SLC4A1: variants seen among roughly 807,000 people sequenced by gnomAD.
SLC4A1 encodes band 3 anion transport protein.
SLC4A1 carries 29 observed loss-of-function variants against 93.1 expected under a neutral mutation model. That is an observed-to-expected ratio of 0.31 (90% CI 0.23 to 0.42). SLC4A1 has a LOEUF of 0.42. Among genes scored for constraint, SLC4A1 ranks in the 20% least tolerant of loss-of-function variants. The pLI is 1.00. For synonymous variants in SLC4A1, 469 were observed against 497.2 expected, an observed-to-expected ratio of 0.94 and a Z score of 0.76; for missense variants, 965 against 1,190.1, an observed-to-expected ratio of 0.81 and a Z score of 2.78.
chr17:44,249,483 C>T lies in SLC4A1; in HGVS notation c.*975G>A, dbSNP rs2047320677. The T allele has an allele frequency of 1.2e-5, 3 of 248,056 alleles. No individual in the cohort carries two copies. Among genetic ancestry groups the T allele is most frequent in the Non-Finnish European group, 2.4e-5 (3 of 126,130 alleles). The allele number at this position is 248,056 out of a possible 1,614,324, so 15.4% of individuals were successfully genotyped here. ...CCGCCCCTACCTTCCCACCCTCCCC[C>T]ACTCCCTATCCAAATGTAGAATCAA... On this transcript the variant is annotated 3_prime_UTR_variant, in exon 20 of 20. Coordinates refer to ENST00000262418, the MANE Select transcript of SLC4A1 (RefSeq NM_000342.4).
rs5021 is a variant in SLC4A1 at position 44,254,600 on chromosome 17, G to A, written c.1953C>T (p.His651=). The change falls in exon 16 of 20, where the codon CAC becomes CAT. Residue 651 remains histidine, a synonymous_variant. Transcript: ENST00000262418. ...SNSSARGWVI[H]PLGLRSEFPI... ...GAAACTCGGAACGCAAGCCCAGTGG[G>A]TGGATGACCCAGCCCCGGGCTGAGG... 9.1e-4 allele frequency: 1,462 copies of A among 1,614,192 alleles called. 16 individuals are homozygous for A. In the African/African-American group the frequency reaches 0.017, roughly 19 times the overall value.
chr17:44,259,071 C>G, intron 9 of SLC4A1, 92 bp downstream of exon 9: 1 of 1,366,702 alleles, frequency 7.3e-7, no homozygotes, highest in East Asian at 2.4e-5. Context: ...ACCAGTGAAC[C>G]TAAAGTAACC....
chr17:44,263,551 T>C (rs1212517228), intron 1 of SLC4A1, among the ~76,000 whole-genome samples: 3 of 152,168 alleles, frequency 2.0e-5, no homozygotes, highest in Non-Finnish European at 2.9e-5. Context: ...CCTTTGCACA[T>C]CCAGCTGTCC....
At chr17:44,253,905 C>T (rs534917368) in intron 16 of SLC4A1, among the ~76,000 whole-genome samples, 33 of 150,398 alleles carry the variant, frequency 2.2e-4, no homozygotes, top group Admixed American at 1.7e-3. Context: ...CTACTGACCT[C>T]GTGATCCCCC....
Position 44,260,718 on chromosome 17 carries a change from C to A in SLC4A1, c.266G>T (p.Gly89Val). Residue 89 changes from glycine to valine, a missense_variant, in exon 5 of 20, where the codon GGG (glycine) becomes GTG (valine). Physicochemically the swap from Gly to Val is moderately radical, Grantham distance 109. Around this residue, in one of 2 missense-constraint regions of SLC4A1, gnomAD observed 195 missense variants for 183.5 expected, o/e 1.06. Coordinates refer to ENST00000262418, the MANE Select transcript of SLC4A1 (RefSeq NM_000342.4). ...CGGGCGGCCCCAGGCCCCATTCTCC[C>A]CCAGGTTCTCCTCCAGTTGCACCCA... ...ARWVQLEENL[G>V]ENGAWGRPHL... The A allele has an allele frequency of 2.5e-6, 4 of 1,614,178 alleles. No homozygotes were observed. The highest frequency in any genetic ancestry group is 3.4e-6 in the Non-Finnish European group (4 of 1,180,032).
At chr17:44,267,993 T>C in intron 1 of SLC4A1, 61 bp downstream of exon 1, 1 of 880,720 alleles carries the variant, frequency 1.1e-6, no homozygotes, top group South Asian at 5.2e-5. Flanking sequence ...GCTGGGCACC[T>C]GTAGAAGCCC....
intron 16 of SLC4A1, 76 bp from the exon 17 acceptor site, chr17:44,253,447 G>GAGA: frequency 6.5e-7 from 1 of 1,547,430 alleles, no homozygotes. Flanking sequence ...CTCCATACTT[G>GAGA]GTGTCCTTGT....
chr17:44,255,179 T>C (rs1295709138), intron 15 of SLC4A1, 28 bp downstream of exon 15: 3 of 1,494,366 alleles, frequency 2.0e-6, no homozygotes, highest in Middle Eastern at 1.7e-4. Context: ...GGGGGTATCA[T>C]GGTCTGAGGG....
At chr17:44,266,057 G>T (rs1451260701) in intron 1 of SLC4A1, among the ~76,000 whole-genome samples, 1 of 152,124 alleles carries the variant, frequency 6.6e-6, no homozygotes. Flanking sequence ...CAGTCCTGGG[G>T]GTAGGGAGGG....
intron 17 of SLC4A1, among the ~76,000 whole-genome samples, chr17:44,252,050 T>C (rs2047347886): frequency 7.9e-6 from 1 of 126,460 alleles, no homozygotes; most frequent in South Asian, 2.8e-4. Context: ...TATGGGTCTT[T>C]TTTTTTTTTT....
rs559130898 is a variant in SLC4A1, at chr17:44,261,430, G to A, written c.168+145C>T. 3.7e-5 allele frequency: 52 copies of A among 1,403,086 alleles called. No homozygotes were observed. The African/African-American group carries it at 6.0e-4, about 16-fold the overall frequency. 86.9% of individuals were successfully genotyped at this position (1,403,086 alleles called of 1,614,324 possible). A position where few individuals can be genotyped will look rare whatever the true frequency, so the allele number is the denominator to read the frequency against. Reference sequence around the variant, plus strand: ...CATCAGTGGGGCGTCCCTCCCACCTGTTTCCTGGGATCCTCACTCCTCTAT... The same window carrying A: ...CATCAGTGGGGCGTCCCTCCCACCTATTTCCTGGGATCCTCACTCCTCTAT... On this transcript the variant is annotated intron_variant, in intron 4 of 19. Transcript: ENST00000262418.
At chr17:44,265,402 C>T (rs2144630879) in intron 1 of SLC4A1, among the ~76,000 whole-genome samples, 1 of 152,164 alleles carries the variant, frequency 6.6e-6, no homozygotes, top group South Asian at 2.1e-4. Context: ...CACAGTCTTG[C>T]TCTCTCTCCC....
intron 1 of SLC4A1, among the ~76,000 whole-genome samples, chr17:44,266,198 C>T (rs2047494672): frequency 6.6e-6 from 1 of 152,082 alleles, no homozygotes; most frequent in Non-Finnish European, 1.5e-5. Context: ...CTTGGCTTTG[C>T]TCCTGAGGAC....
chr17:44,257,449 A>C lies in SLC4A1; in HGVS notation c.1527T>G (p.Gly509=), dbSNP rs1287852407. ...LLVVLVVAFE[G]SFLVRFISRY... ...GGGAGATGAAGCGGACCAGGAAGCT[A>C]CCCTCGAAGGCCACCACCAACACCA... Residue 509 remains glycine, a synonymous_variant, in exon 13 of 20, where the codon GGT becomes GGG. Transcript: ENST00000262418. The C allele has an allele frequency of 6.2e-7, 1 of 1,613,982 alleles. No individual in the cohort carries two copies. Among genetic ancestry groups the C allele is most frequent in the Admixed American group, 1.7e-5 (1 of 60,002 alleles).
chr17:44,255,524 T>C, intron 14 of SLC4A1, 149 bp downstream of exon 14: 2 of 888,966 alleles, frequency 2.2e-6, no homozygotes, highest in South Asian at 1.4e-5. Flanking sequence ...AGTGAAACCC[T>C]AGGTAAGGAT....
chr17:44,255,142 A>C (rs2047377035), intron 15 of SLC4A1, 65 bp downstream of exon 15: 2 of 1,084,316 alleles, frequency 1.8e-6, no homozygotes, highest in East Asian at 5.5e-5. Flanking sequence ...GGGAAGGGGC[A>C]TGCTGGGGGG....
chr17:44,258,005 G>T lies in SLC4A1; in HGVS notation c.1263C>A (p.Ile421=). ...ACTGACCCAGGAGGCCGCCGAAGGT[G>T]ATGGCGGGTGACAGTGCAGCAAAGT... ...FIYFAALSPA[I]TFGGLLGEKT... Residue 421 remains isoleucine, a synonymous_variant, in exon 11 of 20, where the codon ATC becomes ATA. Coordinates refer to ENST00000262418, the MANE Select transcript of SLC4A1 (RefSeq NM_000342.4). The surrounding 1 kb of genome is among the most constrained non-coding windows in gnomAD (Gnocchi z 6.1). The T allele has an allele frequency of 6.2e-7, 1 of 1,614,190 alleles. No individual in the cohort carries two copies. The highest frequency in any genetic ancestry group is 8.5e-7 in the Non-Finnish European group (1 of 1,180,042).
chr17:44,254,393 G>A, intron 16 of SLC4A1, 103 bp downstream of exon 16: 1 of 1,097,516 alleles, frequency 9.1e-7, no homozygotes, highest in Non-Finnish European at 1.4e-6. Context: ...CACACCCGCA[G>A]GGACTAGCTT....
At chr17:44,250,671 T>C in intron 19 of SLC4A1, 133 bp from the exon 20 acceptor site, 1 of 715,020 alleles carries the variant, frequency 1.4e-6, no homozygotes, top group South Asian at 1.5e-5. Context: ...TCCTGTTTTA[T>C]CTCCCCAGCA....
Sources: allele counts gnomAD v4.1 joint callset (sites outside exome capture counted in the v4.1 genomes callset), GRCh38; gene constraint gnomAD v4.1.1; regional missense constraint gnomAD v4.1.1; non-coding constraint Gnocchi (gnomAD v3.1); transcripts MANE v1.5; gene names NCBI Gene and HGNC (gene_info 2026-07-23, HGNC 2026-07-21).